Variants in DICER1 observed in about 807,000 individuals in gnomAD.
DICER1 encodes the protein endoribonuclease Dicer.
In DICER1, 43 loss-of-function variants were observed where a neutral mutation model predicts 194.1. That is an observed-to-expected ratio of 0.22 (90% CI 0.17 to 0.29). The LOEUF (loss-of-function observed/expected upper bound fraction) is 0.29, where lower values mean the gene tolerates loss of function less well. Among genes scored for constraint, DICER1 ranks in the 10% least tolerant of loss-of-function variants. The pLI, the probability that DICER1 is intolerant of heterozygous loss-of-function variation, is 1.00. For synonymous variants in DICER1, 832 were observed against 820.5 expected (o/e 1.01, Z -0.24); for missense variants, 1,608 against 2,317.0 (o/e 0.69, Z 6.28).
Position 95,103,802 on chromosome 14 carries a change from T to C in DICER1, c.3594A>G (p.Gln1198=), listed in dbSNP as rs750604499. 1.9e-6 allele frequency: 3 copies of C among 1,614,120 alleles called. No homozygotes were observed. Among genetic ancestry groups the C allele is most frequent in the Non-Finnish European group, 2.5e-6 (3 of 1,180,042 alleles). The change falls in exon 21 of 27, where the codon CAA becomes CAG. Residue 1198 remains glutamine, a synonymous_variant. Transcript: ENST00000343455. ...SYDLANRDFC[Q]GNQLNYYKQE... is the part of the protein sequence containing the mutation. The stretch of plus-strand genomic sequence containing the variant: ...GCTTGTAGTAATTTAGCTGATTTCC[T>C]TGGCAAAAGTCTCTGTTAGCTAAAT...
chr14:95,146,183 C>T (rs191721504), intron 1 of DICER1, among the ~76,000 whole-genome samples: 6 of 152,302 alleles, frequency 3.9e-5, no homozygotes, highest in African/African-American at 9.6e-5. Context: ...GCCTGAAGGT[C>T]GAGATACACA....
rs769080068 is a variant in DICER1 at position 95,132,697 on chromosome 14, A to G, written c.145-20T>C. Reference sequence around the variant, plus strand: ...TTCAACCTAGAAACATGGTGAAAAAAAAGTTATGCACTTCTTACCTAAGTA... The same window carrying G: ...TTCAACCTAGAAACATGGTGAAAAAGAAGTTATGCACTTCTTACCTAAGTA... On this transcript the variant is annotated intron_variant, in intron 2 of 26. Transcript: ENST00000343455. 3.7e-6 allele frequency: 6 copies of G among 1,612,436 alleles called. No individual in the cohort carries two copies. The highest frequency in any genetic ancestry group is 1.7e-5 in the Admixed American group (1 of 59,982).
chr14:95,109,259 A>C (rs979284501), intron 14 of DICER1, among the ~76,000 whole-genome samples: 3 of 152,258 alleles, frequency 2.0e-5, no homozygotes, highest in Non-Finnish European at 4.4e-5. Flanking sequence ...ATGGTCTTGC[A>C]GTTCCTGAGG....
chr14:95,098,207 T>C (rs1178053582), intron 22 of DICER1, among the ~76,000 whole-genome samples: 1 of 152,206 alleles, frequency 6.6e-6, no homozygotes, highest in African/African-American at 2.4e-5. Context: ...TTCTGTCTCA[T>C]AAAATGTTTT....
Position 95,108,401 on chromosome 14 carries a change from A to G in DICER1, c.2359T>C (p.Phe787Leu). 6.2e-7 allele frequency: 1 copy of G among 1,614,172 alleles called. No homozygotes were observed. The highest frequency in any genetic ancestry group is 8.5e-7 in the Non-Finnish European group (1 of 1,180,026). ...LTTPLPDELNFRRRKLYPPED... is the reference protein window; with the variant it reads ...LTTPLPDELNLRRRKLYPPED... ...GGAGGATAGAGCTTCCGCCTTCTAA[A>G]GTTGAGTTCATCAGGTAAAGGTGTA... Residue 787 changes from phenylalanine (F) to leucine (L), a missense_variant, in exon 15 of 27, where the codon TTT becomes CTT. Phe to Leu is a conservative substitution (Grantham distance 22). Around this residue, in one of 10 missense-constraint regions of DICER1, gnomAD observed 150 missense variants for 216.0 expected, o/e 0.69. Transcript: ENST00000343455.
In DICER1 at chr14:95,119,595, T is replaced by A. The variant is rs1261970166; in HGVS notation, c.1377-1841A>T. 2.0e-5 allele frequency among the ~76,000 whole-genome samples: 3 copies of A among 152,250 alleles called. No individual in the cohort carries two copies. The East Asian group carries it at 5.8e-4, about 29-fold the overall frequency. On this transcript the variant is annotated intron_variant, in intron 8 of 26. Transcript: ENST00000343455. Reference sequence around the variant, plus strand: ...AAAATAAGACAATGTATTATTTGTTTCTTTTGGTTTTTACACTCAGTTTAT... The same window carrying A: ...AAAATAAGACAATGTATTATTTGTTACTTTTGGTTTTTACACTCAGTTTAT...
Position 95,108,455 on chromosome 14 carries a change from AACAGGGCTG to A in DICER1, c.2296_2304del (p.Gln766_Cys768del). Reference sequence around the variant, plus strand: ...AAAACCATTCCTATCACATACAGGTAACAGGGCTGATCAGGTCTGGGATAACTATCCCTC... The same window carrying A: ...AAAACCATTCCTATCACATACAGGTAATCAGGTCTGGGATAACTATCCCTC... On this transcript the variant is annotated inframe_deletion, in exon 15 of 27. Coordinates refer to ENST00000343455, the MANE Select transcript of DICER1 (RefSeq NM_177438.3). 6.2e-7 allele frequency: 1 copy of A among 1,614,132 alleles called. No individual in the cohort carries two copies. Among genetic ancestry groups the A allele is most frequent in the Non-Finnish European group, 8.5e-7 (1 of 1,179,994 alleles).
At position 95,103,779 on chromosome 14, in the gene DICER1, T is replaced by C. The variant is rs761954648; in HGVS notation, c.3617A>G (p.Lys1206Arg). The C allele has an allele frequency of 1.2e-6, 2 of 1,614,232 alleles. No homozygotes were observed. The highest frequency in any genetic ancestry group is 1.7e-6 in the Non-Finnish European group (2 of 1,180,026). The change falls in exon 21 of 27, where the codon AAG (lysine) becomes AGG (arginine). Residue 1206 changes from lysine to arginine, a missense_variant. Transcript: ENST00000343455. Reference sequence around the variant, plus strand: ...AGTTGGTTGCACGGGTATTTCCTGCTTGTAGTAATTTAGCTGATTTCCTTG... The same window carrying C: ...AGTTGGTTGCACGGGTATTTCCTGCCTGTAGTAATTTAGCTGATTTCCTTG... ...FCQGNQLNYY[K>R]QEIPVQPTTS...
Position 95,096,205 on chromosome 14 carries a change from G to A in DICER1, c.4715C>T (p.Thr1572Ile), listed in dbSNP as rs2139845011. The change falls in exon 23 of 27, where the codon ACC (threonine) becomes ATC (isoleucine). Residue 1572 changes from threonine to isoleucine, a missense_variant. Physicochemically the swap from Thr to Ile is moderately conservative, Grantham distance 89. Transcript: ENST00000343455. Reference protein sequence around the residue: ...CVEALLGCYLTSCGERAAQLF... With the variant: ...CVEALLGCYLISCGERAAQLF... ...CTGAGCAGCCCTCTCCCCACAGCTG[G>A]TTAAATAGCAGCCCAGCAGGGCTTC... The A allele has an allele frequency of 6.2e-7, 1 of 1,614,228 alleles. No homozygotes were observed. Among genetic ancestry groups the A allele is most frequent in the East Asian group, 2.2e-5 (1 of 44,882 alleles).
intron 24 of DICER1, among the ~76,000 whole-genome samples, chr14:95,092,704 T>A (rs1186459931): frequency 1.3e-5 from 2 of 152,312 alleles, no homozygotes; most frequent in Middle Eastern, 3.4e-3. Flanking sequence ...TCTATACATA[T>A]GTTTATATAA....
chr14:95,096,247 C>G lies in DICER1; in HGVS notation c.4673G>C (p.Ser1558Thr), dbSNP rs779823153. The change falls in exon 23 of 27, where the codon AGC becomes ACC. Residue 1558 changes from serine to threonine, a missense_variant. By Grantham distance (58) the Ser-to-Thr change is moderately conservative. This residue lies in a region of DICER1 where 13 missense variants were observed against 35.7 expected (regional missense o/e 0.36). Coordinates refer to ENST00000343455, the MANE Select transcript of DICER1 (RefSeq NM_177438.3). ...CAGGGCTTCCACACAGTCCGCTATG[C>G]TTTTGTCAGCAATACACTGCTCAGT... ...LHTEQCIADK[S>T]IADCVEALLG... 2 of 1,614,196 alleles carry G rather than the reference C, an allele frequency of 1.2e-6. No homozygotes were observed. Among genetic ancestry groups the G allele is most frequent in the Non-Finnish European group, 1.7e-6 (2 of 1,180,030 alleles).
At chr14:95,153,180 G>A (rs1295147481) in intron 1 of DICER1, among the ~76,000 whole-genome samples, 3 of 150,300 alleles carry the variant, frequency 2.0e-5, no homozygotes, top group Non-Finnish European at 4.4e-5. Flanking sequence ...TCGCACCACT[G>A]CACTCCAGCC....
rs149718671 is a variant in DICER1 at position 95,124,652 on chromosome 14, C to T, written c.920G>A (p.Arg307His). ...LISKQILSDC[R>H]AVLVVLGPWC... is the part of the protein sequence containing the mutation. ...GGGTCCCAGAACTACCAATACGGCACGACAGTCTGATAGTATCTACAAAAA... is the reference window on the plus strand; with the variant it reads ...GGGTCCCAGAACTACCAATACGGCATGACAGTCTGATAGTATCTACAAAAA... The change falls in exon 8 of 27, where the codon CGT becomes CAT. Residue 307 changes from arginine (R) to histidine (H), a missense_variant. Arg to His is a conservative substitution (Grantham distance 29). Transcript: ENST00000343455. This position sits in a 1 kb window ranked among gnomAD's most constrained non-coding sequence, Gnocchi z 4.5. 46 of 1,612,964 alleles carry T rather than the reference C, an allele frequency of 2.9e-5. No individual in the cohort carries two copies. Among genetic ancestry groups the T allele is most frequent in the Non-Finnish European group, 3.5e-5 (41 of 1,179,560 alleles).
rs1385079711 is a variant in DICER1, at chr14:95,105,141, C to T, written c.3199G>A (p.Ala1067Thr). 1.2e-6 allele frequency: 2 copies of T among 1,614,050 alleles called. No homozygotes were observed. The highest frequency in any genetic ancestry group is 1.3e-5 in the African/African-American group (1 of 74,936). The change falls in exon 20 of 27, where the codon GCA (alanine) becomes ACA (threonine). Residue 1067 changes from alanine (A) to threonine (T), a missense_variant. By Grantham distance (58) the Ala-to-Thr change is moderately conservative (BLOSUM62 0). This residue lies in a region of DICER1 where 79 missense variants were observed against 176.1 expected (regional missense o/e 0.45). Transcript: ENST00000343455. This position sits in a 1 kb window ranked among gnomAD's most constrained non-coding sequence, Gnocchi z 4.9. ...GCAGTCTGGGCTCTTAGCTCCTCTGCAGTCAAAAGGCAGTGAAGGCGATAA... is the reference window on the plus strand; with the variant it reads ...GCAGTCTGGGCTCTTAGCTCCTCTGTAGTCAAAAGGCAGTGAAGGCGATAA... Reference protein sequence around the residue: ...ILYRLHCLLTAEELRAQTASD... With the variant: ...ILYRLHCLLTTEELRAQTASD...
chr14:95,129,741 G>T (rs910679402), intron 5 of DICER1, 109 bp from the exon 6 acceptor site: 4 of 1,067,194 alleles, frequency 3.7e-6, no homozygotes, highest in East Asian at 2.6e-5. Flanking sequence ...TAGTAAAAAA[G>T]AATTTGTTTG....
chr14:95,119,715 T>A (rs372844680), intron 8 of DICER1, among the ~76,000 whole-genome samples: 7 of 152,394 alleles, frequency 4.6e-5, no homozygotes, highest in East Asian at 1.9e-4. Context: ...AACCAGCTTT[T>A]CTTTTTAAAT....
At chr14:95,101,541 C>A (rs962269314) in intron 21 of DICER1, among the ~76,000 whole-genome samples, 2 of 152,200 alleles carry the variant, frequency 1.3e-5, no homozygotes, top group African/African-American at 2.4e-5. Context: ...ATTATCTGAA[C>A]ATTTCCACTT....
At chr14:95,133,232 G>T in intron 2 of DICER1, 83 bp downstream of exon 2, 1 of 1,482,032 alleles carries the variant, frequency 6.7e-7, no homozygotes. Flanking sequence ...GGGTAAATGA[G>T]TTTTATATAA....
In DICER1 at chr14:95,088,135, A is replaced by G; in HGVS notation, c.*2363T>C. 1 of 232,928 alleles carries G rather than the reference A, an allele frequency of 4.3e-6. No homozygotes were observed. Among genetic ancestry groups the G allele is most frequent in the South Asian group, 1.8e-4 (1 of 5,524 alleles). 14.4% of individuals were successfully genotyped at this position (232,928 alleles called of 1,614,324 possible). ...AATCTACTATTTTTCTCCAACAAAA[A>G]GTGAAACGGCTGAAGTTTGCTGTTG... On this transcript the variant is annotated 3_prime_UTR_variant, in exon 27 of 27. Transcript: ENST00000343455.
Sources: gnomAD v4.1 joint callset for allele counts (sites outside exome capture counted in the v4.1 genomes callset) on GRCh38, gnomAD v4.1.1 for gene constraint, gnomAD v4.1.1 regional missense constraint, Gnocchi (gnomAD v3.1) non-coding constraint, MANE v1.5 for transcripts, NCBI Gene and HGNC (gene_info 2026-07-23, HGNC 2026-07-21) for gene names.